The following PCDHGB2 variants were observed in gnomAD, a reference collection of about 807,000 sequenced individuals.
PCDHGB2 encodes protocadherin gamma-B2.
A neutral mutation model predicts 59.3 loss-of-function variants in PCDHGB2; 55 were observed. The ratio of observed to expected loss-of-function variants is 0.93; its 90% CI spans 0.75 to 1.16. The LOEUF (loss-of-function observed/expected upper bound fraction) is 1.16, where lower values mean the gene tolerates loss of function less well. Among genes scored for constraint, PCDHGB2 ranks in the 50% most tolerant of loss-of-function variants. The pLI is 0.00. For synonymous variants in PCDHGB2, 516 were observed against 512.0 expected (o/e 1.01, Z -0.11); for missense variants, 1,228 against 1,198.5 (o/e 1.02, Z -0.36).
chr5:141,382,913 C>T (rs1778570973), intron 1 of PCDHGB2: 1 of 1,553,116 alleles, frequency 6.4e-7, no homozygotes, highest in Admixed American at 2.0e-5. Flanking sequence ...GCGGCTCAGC[C>T]GAGGGGCGGG....
chr5:141,361,838 G>T lies in PCDHGB2; in HGVS notation c.1703G>T (p.Gly568Val), dbSNP rs761837286. ...NAPRVLYPAL[G>V]PDGSALFDMV... ...CCACGGGTGCTGTACCCCGCGCTGG[G>T]GCCTGATGGCTCCGCCCTCTTCGAT... Residue 568 changes from glycine (G) to valine (V), a missense_variant, in exon 1 of 4, where the codon GGG (glycine) becomes GTG (valine). Around this residue, in one of 3 missense-constraint regions of PCDHGB2, gnomAD observed 781 missense variants for 721.6 expected, o/e 1.08. Coordinates refer to ENST00000522605, the MANE Select transcript of PCDHGB2 (RefSeq NM_018923.3). 27 of 1,612,714 alleles carry T rather than the reference G, an allele frequency of 1.7e-5. No individual in the cohort carries two copies. Among genetic ancestry groups the T allele is most frequent in the Non-Finnish European group, 2.2e-5 (26 of 1,179,748 alleles).
intron 1 of PCDHGB2, chr5:141,404,621 G>T: frequency 6.2e-7 from 1 of 1,614,174 alleles, no homozygotes; most frequent in South Asian, 1.1e-5. Context: ...GGACCAGAAT[G>T]ACAATGCCCC....
rs770759647 is a variant in PCDHGB2 at position 141,393,173 on chromosome 5, A to C, written c.2421+30617A>C. 38 of 1,613,150 alleles carry C rather than the reference A, an allele frequency of 2.4e-5. No homozygotes were observed. Among genetic ancestry groups the C allele is most frequent in the Non-Finnish European group, 3.2e-5 (38 of 1,179,886 alleles). ...ATAAAGGAAAACTCTTTGGGGTAGA[A>C]ATAGAAATAATTGATATTAACGATA... On this transcript the variant is annotated intron_variant, in intron 1 of 3. Coordinates refer to ENST00000522605, the MANE Select transcript of PCDHGB2 (RefSeq NM_018923.3).
chr5:141,442,870 T>A (rs942975420), intron 1 of PCDHGB2, among the ~76,000 whole-genome samples: 1 of 152,192 alleles, frequency 6.6e-6, no homozygotes, highest in African/African-American at 2.4e-5. Flanking sequence ...AGATGTAAAT[T>A]TACAACTCAG....
chr5:141,410,054 A>C, intron 1 of PCDHGB2: 1 of 1,613,064 alleles, frequency 6.2e-7, no homozygotes. Context: ...CGGACTCTTC[A>C]GCCTGGGGCT....
chr5:141,487,499 G>A lies in PCDHGB2; in HGVS notation c.2422-7308G>A, dbSNP rs2099647158. On this transcript the variant is annotated intron_variant, in intron 1 of 3. Transcript: ENST00000522605. This position sits in a 1 kb window ranked among gnomAD's most constrained non-coding sequence, Gnocchi z 5.0. ...CCACTCTCATGGCTGTACACCCTTGGCTTCTGCACCCACTCGGAGTGATAG... is the reference window on the plus strand; with the variant it reads ...CCACTCTCATGGCTGTACACCCTTGACTTCTGCACCCACTCGGAGTGATAG... The A allele has an allele frequency of 3.1e-6, 5 of 1,614,152 alleles. No homozygotes were observed. The highest frequency in any genetic ancestry group is 2.2e-5 in the East Asian group (1 of 44,852).
intron 1 of PCDHGB2, chr5:141,419,506 C>A (rs527369615): frequency 6.2e-6 from 10 of 1,612,352 alleles, no homozygotes; most frequent in Middle Eastern, 1.7e-4. Context: ...TGAGCCTGCG[C>A]GTGTTGGTGG....
intron 1 of PCDHGB2, chr5:141,409,995 C>T: frequency 1.2e-6 from 2 of 1,613,308 alleles, no homozygotes; most frequent in Non-Finnish European, 1.7e-6. Context: ...GACGCCGACT[C>T]GGGACACAAC....
rs780685929 is a variant in PCDHGB2 at position 141,389,589 on chromosome 5, G to A, written c.2421+27033G>A. 10 of 1,613,050 alleles carry A rather than the reference G, an allele frequency of 6.2e-6. No individual in the cohort carries two copies. In the Middle Eastern group the frequency reaches 5.0e-4, roughly 81 times the overall value. On this transcript the variant is annotated intron_variant, in intron 1 of 3. Coordinates refer to ENST00000522605, the MANE Select transcript of PCDHGB2 (RefSeq NM_018923.3). ...GCTGTACCCCGCGCTGGGTCCCGAC[G>A]GCTCTGCGCTCTTCGATATGGTGCC...
chr5:141,370,655 C>T (rs746541169), intron 1 of PCDHGB2: 14 of 1,613,708 alleles, frequency 8.7e-6, no homozygotes, highest in Non-Finnish European at 1.1e-5. Context: ...TACTTGTGAG[C>T]GACCGTATAG....
At chr5:141,383,288 T>A (rs1441416956) in intron 1 of PCDHGB2, 2 of 1,613,768 alleles carry the variant, frequency 1.2e-6, no homozygotes, top group Middle Eastern at 1.6e-4. Flanking sequence ...AATGACAACG[T>A]TCCAAGATTC....
At chr5:141,408,045 A>G (rs544263424) in intron 1 of PCDHGB2, 8 of 1,236,658 alleles carry the variant, frequency 6.5e-6, no homozygotes, top group Admixed American at 3.0e-5. Flanking sequence ...CAGCTCCCAC[A>G]CAGAGCCTCC....
intron 1 of PCDHGB2, chr5:141,424,599 GATTT>G (rs1016470290): frequency 3.9e-5 from 6 of 152,170 alleles, no homozygotes; most frequent in Non-Finnish European, 8.8e-5. Flanking sequence ...GATGTCTACA[GATTT>G]ATTCAAATAG....
chr5:141,384,598 C>T lies in PCDHGB2; in HGVS notation c.2421+22042C>T, dbSNP rs1451402043. On this transcript the variant is annotated intron_variant, in intron 1 of 3. Transcript: ENST00000522605. ...CCCGCCCGAGATCCTGTACCCGGCCCTCCCCACAGATGGTTCTACTGGCAT... is the reference window on the plus strand; with the variant it reads ...CCCGCCCGAGATCCTGTACCCGGCCTTCCCCACAGATGGTTCTACTGGCAT... 2.5e-6 allele frequency: 4 copies of T among 1,614,138 alleles called. No individual in the cohort carries two copies. The African/African-American group carries it at 5.3e-5, about 22-fold the overall frequency.
chr5:141,395,185 T>C, intron 1 of PCDHGB2: 1 of 1,614,158 alleles, frequency 6.2e-7, no homozygotes, highest in Non-Finnish European at 8.5e-7. Context: ...AATGATTCTT[T>C]GTTAACATCC....
chr5:141,399,708 A>G lies in PCDHGB2; in HGVS notation c.2421+37152A>G, dbSNP rs769072460. On this transcript the variant is annotated intron_variant, in intron 1 of 3. Transcript: ENST00000522605. ...AGCAGCTGCGCACCTTCGAACTCAC[A>G]CTACAGGCCCGCGACCAGGGCTCGC... 5.6e-6 allele frequency: 9 copies of G among 1,613,256 alleles called. No homozygotes were observed. In the African/African-American group the frequency reaches 8.0e-5, roughly 14 times the overall value.
intron 2 of PCDHGB2, among the ~76,000 whole-genome samples, chr5:141,501,838 G>C (rs888418141): frequency 6.6e-6 from 1 of 152,000 alleles, no homozygotes; most frequent in African/African-American, 2.4e-5. Flanking sequence ...CACCTGTTTG[G>C]CCCTCAACCT....
rs11575954 is a variant in PCDHGB2 at position 141,376,006 on chromosome 5, C to T, written c.2421+13450C>T. The T allele has an allele frequency of 4.7e-3, 7,621 of 1,612,710 alleles. 42 individuals are homozygous for T. Among genetic ancestry groups the T allele is most frequent in the Admixed American group, 8.7e-3 (524 of 59,936 alleles). On this transcript the variant is annotated intron_variant, in intron 1 of 3. Transcript: ENST00000522605. ...TGGACAGAGACGCGCTCAAGCAGAG[C>T]CTAGTGGTGGCCGTCCAGGACCACG...
intron 1 of PCDHGB2, among the ~76,000 whole-genome samples, chr5:141,457,415 C>T (rs185690067): frequency 3.9e-4 from 60 of 152,300 alleles, no homozygotes; most frequent in African/African-American, 1.3e-3. Flanking sequence ...CATTACCCAT[C>T]CCTTTTTCCC....
Sources: gnomAD v4.1 joint callset for allele counts (sites outside exome capture counted in the v4.1 genomes callset) on GRCh38, gnomAD v4.1.1 for gene constraint, gnomAD v4.1.1 regional missense constraint, Gnocchi (gnomAD v3.1) non-coding constraint, MANE v1.5 for transcripts, NCBI Gene and HGNC (gene_info 2026-07-23, HGNC 2026-07-21) for gene names.